Variants in RBBP5 observed in about 807,000 individuals in gnomAD.
RBBP5 encodes the protein RB binding protein 5, histone lysine methyltransferase complex subunit.
Under a neutral mutation model 72.2 loss-of-function variants are expected in RBBP5, and 5 were observed. The observed-to-expected ratio is 0.07, with a 90% CI of 0.04 to 0.15. The LOEUF is 0.15. Among genes scored for constraint, RBBP5 ranks in the 10% least tolerant of loss-of-function variants. The pLI is 1.00. For synonymous variants in RBBP5, 209 were observed against 237.2 expected, an observed-to-expected ratio of 0.88 and a Z score of 1.09; for missense variants, 322 against 652.2, an observed-to-expected ratio of 0.49 and a Z score of 5.51.
At chr1:205,090,620 A>G (rs1265572154) in intron 13 of RBBP5, among the ~76,000 whole-genome samples, 1 of 152,178 alleles carries the variant, frequency 6.6e-6, no homozygotes, top group Non-Finnish European at 1.5e-5. Flanking sequence ...CCAAGGAAAC[A>G]TATTATTTAG....
chr1:205,117,450 C>T (rs528495171), intron 1 of RBBP5, among the ~76,000 whole-genome samples: 1 of 151,638 alleles, frequency 6.6e-6, no homozygotes, highest in Non-Finnish European at 1.5e-5. Flanking sequence ...CACCTGAGGT[C>T]GGGAGTTCAA....
chr1:205,117,018 G>GT lies in RBBP5; in HGVS notation c.20-1136dup, dbSNP rs201260616. 2.5e-3 allele frequency among the ~76,000 whole-genome samples: 382 copies of GT among 150,852 alleles called. 1 individual carries two copies. The highest frequency in any genetic ancestry group is 8.6e-3 in the African/African-American group (356 of 41,180). ...TATTTCTTTGTTTTAGTTTTTTTGG[G>GT]TTTTTTTTTGTTTTTCGACCGGCCT... On this transcript the variant is annotated intron_variant, in intron 1 of 13. Coordinates refer to ENST00000264515, the MANE Select transcript of RBBP5 (RefSeq NM_005057.4).
At chr1:205,111,311 G>A (rs1656306603) in intron 3 of RBBP5, among the ~76,000 whole-genome samples, 1 of 152,114 alleles carries the variant, frequency 6.6e-6, no homozygotes, top group Non-Finnish European at 1.5e-5. Flanking sequence ...CTGTATATCA[G>A]GTACAACGCT....
At chr1:205,104,923 G>A (rs1655995718) in intron 4 of RBBP5, 105 bp downstream of exon 4, 2 of 1,246,114 alleles carry the variant, frequency 1.6e-6, no homozygotes, top group African/African-American at 3.0e-5. Context: ...GGTTTGAAGA[G>A]ATGTGTATTT....
chr1:205,102,742 C>T (rs1655885139), intron 5 of RBBP5, among the ~76,000 whole-genome samples: 2 of 151,902 alleles, frequency 1.3e-5, no homozygotes, highest in African/African-American at 2.4e-5. Context: ...ACCTATAATC[C>T]CAGCACTTTA....
Position 205,094,950 on chromosome 1 carries a change from T to G in RBBP5, c.1511A>C (p.Tyr504Ser). ...EKDSPFKPKL[Y>S]KGDRGLPLEG... Reference sequence around the variant, plus strand: ...CAGAGGTAAACCTCTGTCCCCTTTGTAGAGTTTCGGTTTAAATGGAGAATC... The same window carrying G: ...CAGAGGTAAACCTCTGTCCCCTTTGGAGAGTTTCGGTTTAAATGGAGAATC... The change falls in exon 13 of 14, where the codon TAC becomes TCC. Residue 504 changes from tyrosine to serine, a missense_variant. By Grantham distance (144) the Tyr-to-Ser change is moderately radical. Transcript: ENST00000264515. 2 of 1,614,152 alleles carry G rather than the reference T, an allele frequency of 1.2e-6. No homozygotes were observed. Among genetic ancestry groups the G allele is most frequent in the South Asian group, 2.2e-5 (2 of 91,082 alleles).
At chr1:205,103,824 C>G (rs371798550) in intron 5 of RBBP5, 33 bp downstream of exon 5, 2 of 1,600,614 alleles carry the variant, frequency 1.2e-6, no homozygotes, top group Non-Finnish European at 1.7e-6. Flanking sequence ...AGCCAGTGTA[C>G]AAGATGCCTG....
intron 13 of RBBP5, among the ~76,000 whole-genome samples, chr1:205,089,653 A>G (rs1386215536): frequency 6.6e-6 from 1 of 152,208 alleles, no homozygotes; most frequent in Non-Finnish European, 1.5e-5. Context: ...ACTGGCAATA[A>G]AAATATATTC....
intron 11 of RBBP5, 75 bp downstream of exon 11, chr1:205,097,251 G>A: frequency 2.2e-6 from 3 of 1,374,698 alleles, no homozygotes; most frequent in Non-Finnish European, 3.0e-6. Flanking sequence ...GGGATAGCCA[G>A]GGAAACTGCA....
chr1:205,101,179 T>G (rs1442734614), intron 6 of RBBP5, among the ~76,000 whole-genome samples: 1 of 152,220 alleles, frequency 6.6e-6, no homozygotes, highest in Non-Finnish European at 1.5e-5. Context: ...GTATTTCCTA[T>G]TTCTGTTGAT....
At chr1:205,121,802 C>T (rs1656747473) in intron 1 of RBBP5, 53 bp downstream of exon 1, 2 of 1,611,344 alleles carry the variant, frequency 1.2e-6, no homozygotes, top group Non-Finnish European at 1.7e-6. Context: ...GCCTGGGTTC[C>T]CTCCTTTCCA....
intron 13 of RBBP5, among the ~76,000 whole-genome samples, chr1:205,093,480 ATAT>A (rs1655457327): frequency 1.3e-4 from 1 of 7,774 alleles, no homozygotes; most frequent in Non-Finnish European, 3.4e-4. Flanking sequence ...AAAAAAAAAA[ATAT>A]ATATATATAT....
chr1:205,113,965 G>A (rs545085727), intron 3 of RBBP5, among the ~76,000 whole-genome samples: 29 of 152,306 alleles, frequency 1.9e-4, no homozygotes, highest in African/African-American at 6.0e-4. Flanking sequence ...GATTACAGGC[G>A]TGAACCACCG....
In RBBP5 at chr1:205,088,610, G is replaced by A. The variant is rs376720708; in HGVS notation, c.*177C>T. On this transcript the variant is annotated 3_prime_UTR_variant, in exon 14 of 14. Coordinates refer to ENST00000264515, the MANE Select transcript of RBBP5 (RefSeq NM_005057.4). ...TATGCTTGAAAGGGAAGGGAAGGTCGTATACTCTTCTTCCATAATTCACTT... is the reference window on the plus strand; with the variant it reads ...TATGCTTGAAAGGGAAGGGAAGGTCATATACTCTTCTTCCATAATTCACTT... 7.5e-5 allele frequency: 46 copies of A among 611,430 alleles called. No individual in the cohort carries two copies. In the Middle Eastern group the frequency reaches 1.9e-3, roughly 25 times the overall value. 37.9% of individuals were successfully genotyped at this position (611,430 alleles called of 1,614,324 possible).
At chr1:205,114,652 A>G (rs1465900859) in intron 3 of RBBP5, 137 bp downstream of exon 3, 1 of 861,164 alleles carries the variant, frequency 1.2e-6, no homozygotes, top group East Asian at 2.9e-5. Flanking sequence ...CAGGATCTAC[A>G]TAAACCATGA....
At chr1:205,111,211 T>C (rs889712878) in intron 3 of RBBP5, among the ~76,000 whole-genome samples, 1 of 152,268 alleles carries the variant, frequency 6.6e-6, no homozygotes, top group East Asian at 1.9e-4. Context: ...AAGTCTACTG[T>C]AATGAGAACT....
rs374744594 is a variant in RBBP5 at position 205,089,817 on chromosome 1, C to T, written c.1589-1002G>A. ...TTCAGATCTCTCTCAACATAAATCA[C>T]AATGAATTCCTTGCATTGATTTTTT... On this transcript the variant is annotated intron_variant, in intron 13 of 13. Transcript: ENST00000264515. Among the ~76,000 whole-genome samples the T allele has an allele frequency of 7.2e-5, 11 of 152,260 alleles. No homozygotes were observed. In the East Asian group the frequency reaches 1.5e-3, roughly 21 times the overall value.
At position 205,098,876 on chromosome 1, in the gene RBBP5, AG is replaced by A. The variant is rs1283190343; in HGVS notation, c.1096+112del. 6.7e-5 allele frequency: 28 copies of A among 416,784 alleles called. No homozygotes were observed. The East Asian group carries it at 1.1e-3, about 16-fold the overall frequency. 25.8% of individuals were successfully genotyped at this position (416,784 alleles called of 1,614,324 possible). A position where few individuals can be genotyped will look rare whatever the true frequency, so the allele number is the denominator to read the frequency against. ...AAAAAAAAAAAAAAGTGTGGGGTGG[AG>A]GGGGGCATTTTAGATGAAGTGCTGA... On this transcript the variant is annotated intron_variant, in intron 10 of 13. Coordinates refer to ENST00000264515, the MANE Select transcript of RBBP5 (RefSeq NM_005057.4).
At chr1:205,120,773 C>CA (rs1479997080) in intron 1 of RBBP5, among the ~76,000 whole-genome samples, 1 of 150,908 alleles carries the variant, frequency 6.6e-6, no homozygotes, top group Non-Finnish European at 1.5e-5. Context: ...CGGCGCGAGG[C>CA]TGTCTTAAAA....
Sources: gnomAD v4.1 joint callset for allele counts (sites outside exome capture counted in the v4.1 genomes callset) on GRCh38, gnomAD v4.1.1 for gene constraint, MANE v1.5 for transcripts, NCBI Gene and HGNC (gene_info 2026-07-23, HGNC 2026-07-21) for gene names.